Variants in FNDC3B observed in about 807,000 individuals in gnomAD.
FNDC3B encodes fibronectin type III domain-containing protein 3B.
A neutral mutation model predicts 151.5 loss-of-function variants in FNDC3B; 12 were observed. The observed-to-expected ratio is 0.08, with a 90% CI of 0.05 to 0.13. The LOEUF (loss-of-function observed/expected upper bound fraction) is 0.13. Among genes scored for constraint, FNDC3B ranks in the 10% least tolerant of loss-of-function variants. The pLI, the probability that FNDC3B is intolerant of heterozygous loss-of-function variation, is 1.00. For missense variants in FNDC3B, 1,214 were observed against 1,505.3 expected (o/e 0.81, Z 3.20); for synonymous variants, 528 against 549.0 (o/e 0.96, Z 0.54).
At chr3:172,393,345 C>T (rs999770841) in intron 25 of FNDC3B, among the ~76,000 whole-genome samples, 2 of 152,234 alleles carry the variant, frequency 1.3e-5, no homozygotes, top group Admixed American at 6.5e-5. Flanking sequence ...GTTATATATG[C>T]ACCCAACATT....
At chr3:172,280,882 G>A (rs1338095872) in intron 6 of FNDC3B, among the ~76,000 whole-genome samples, 1 of 151,568 alleles carries the variant, frequency 6.6e-6, no homozygotes, top group Non-Finnish European at 1.5e-5. Flanking sequence ...ATGTGTGTGG[G>A]TTTTTTCTTT....
intron 25 of FNDC3B, among the ~76,000 whole-genome samples, chr3:172,386,777 C>T (rs1735735616): frequency 6.7e-6 from 1 of 149,872 alleles, no homozygotes; most frequent in African/African-American, 2.5e-5. Context: ...AAAAAAAAAC[C>T]TCTGAAGTGT....
At chr3:172,091,595 G>A (rs909286222) in intron 1 of FNDC3B, among the ~76,000 whole-genome samples, 7 of 152,144 alleles carry the variant, frequency 4.6e-5, no homozygotes, top group African/African-American at 1.7e-4. Flanking sequence ...ATGCATGCAT[G>A]TTTGTGTATA....
chr3:172,041,745 G>A (rs1576810150), intron 1 of FNDC3B, among the ~76,000 whole-genome samples: 1 of 152,174 alleles, frequency 6.6e-6, no homozygotes, highest in Admixed American at 6.5e-5. Context: ...ACGCCCCACA[G>A]TGGATAGCAG....
At chr3:172,206,166 C>A (rs971576187) in intron 3 of FNDC3B, among the ~76,000 whole-genome samples, 2 of 152,044 alleles carry the variant, frequency 1.3e-5, no homozygotes, top group African/African-American at 4.8e-5. Context: ...TTGAAATTGG[C>A]CAGTTTCAGA....
intron 6 of FNDC3B, among the ~76,000 whole-genome samples, chr3:172,277,245 C>A (rs770286742): frequency 1.3e-5 from 2 of 152,106 alleles, no homozygotes; most frequent in Admixed American, 6.6e-5. Context: ...AGGTGTTTTG[C>A]TATAATTATA....
At chr3:172,063,188 A>G (rs553374422) in intron 1 of FNDC3B, among the ~76,000 whole-genome samples, 1 of 152,260 alleles carries the variant, frequency 6.6e-6, no homozygotes, top group East Asian at 1.9e-4. Context: ...GTTCCCTAAA[A>G]TAAGATAGCA....
intron 1 of FNDC3B, among the ~76,000 whole-genome samples, chr3:172,047,716 G>A (rs1219158155): frequency 3.9e-5 from 6 of 152,110 alleles, no homozygotes; most frequent in Non-Finnish European, 1.5e-5. Flanking sequence ...TTATTTGCTT[G>A]CAAAATACAT....
At chr3:172,376,099 T>G (rs947388958) in intron 23 of FNDC3B, among the ~76,000 whole-genome samples, 14 of 152,354 alleles carry the variant, frequency 9.2e-5, no homozygotes, top group African/African-American at 3.4e-4. Context: ...CCACTATGTT[T>G]TTCATAAATT....
chr3:172,296,990 G>T (rs1010897489), intron 8 of FNDC3B, among the ~76,000 whole-genome samples: 1 of 152,108 alleles, frequency 6.6e-6, no homozygotes, highest in African/African-American at 2.4e-5. Context: ...GGAGCTAGAG[G>T]CTCACGTGCC....
At chr3:172,382,103 C>T (rs1735474177) in intron 25 of FNDC3B, among the ~76,000 whole-genome samples, 1 of 152,190 alleles carries the variant, frequency 6.6e-6, no homozygotes, top group South Asian at 2.1e-4. Context: ...TAAAAGTGTT[C>T]CTATTTCCCC....
In FNDC3B at chr3:172,259,975, C is replaced by T. The variant is rs985834667; in HGVS notation, c.790+8434C>T. On this transcript the variant is annotated intron_variant, in intron 6 of 25. Transcript: ENST00000415807. ...AGTTTTCTTTTGAAATGAATGTTCACCAGAAGTTTGAGGTCAGAATTTTGA... is the reference window on the plus strand; with the variant it reads ...AGTTTTCTTTTGAAATGAATGTTCATCAGAAGTTTGAGGTCAGAATTTTGA... Among the ~76,000 whole-genome samples the T allele has an allele frequency of 3.3e-5, 5 of 152,256 alleles. No homozygotes were observed. The East Asian group carries it at 9.6e-4, about 29-fold the overall frequency.
chr3:172,214,852 T>G (rs1237315229), intron 3 of FNDC3B, among the ~76,000 whole-genome samples: 3 of 152,258 alleles, frequency 2.0e-5, no homozygotes, highest in Non-Finnish European at 4.4e-5. Flanking sequence ...CAGGCACTCT[T>G]GCAGGGGCAA....
Position 172,150,576 on chromosome 3 carries a change from T to A in FNDC3B, c.187+17030T>A, listed in dbSNP as rs370054353. Among the ~76,000 whole-genome samples, 5 of 152,224 alleles carry A rather than the reference T, an allele frequency of 3.3e-5. No individual in the cohort carries two copies. In the South Asian group the frequency reaches 8.3e-4, roughly 25 times the overall value. Reference sequence around the variant, plus strand: ...GATTATTTGGTGTCATTTTGTCAAATCTATGCCATTGGTTTTTAAATGCAT... The same window carrying A: ...GATTATTTGGTGTCATTTTGTCAAAACTATGCCATTGGTTTTTAAATGCAT... On this transcript the variant is annotated intron_variant, in intron 3 of 25. Transcript: ENST00000415807.
At chr3:172,057,399 A>G (rs1560386282) in intron 1 of FNDC3B, among the ~76,000 whole-genome samples, 1 of 152,216 alleles carries the variant, frequency 6.6e-6, no homozygotes, top group East Asian at 1.9e-4. Context: ...GTTTGGATGC[A>G]CTTTTCTTTG....
At chr3:172,230,783 C>A (rs374445933) in intron 4 of FNDC3B, among the ~76,000 whole-genome samples, 196 of 152,232 alleles carry the variant, frequency 1.3e-3, no homozygotes, top group African/African-American at 4.1e-3. Flanking sequence ...CCTTAATGTG[C>A]TAGGATTTCT....
intron 6 of FNDC3B, 75 bp from the exon 7 acceptor site, chr3:172,285,851 C>T: frequency 9.5e-7 from 1 of 1,054,682 alleles, no homozygotes; most frequent in Admixed American, 1.8e-5. Flanking sequence ...AGTTAAAAGG[C>T]CTTGGGGAAG....
intron 1 of FNDC3B, among the ~76,000 whole-genome samples, chr3:172,091,077 A>G (rs1718803030): frequency 6.6e-6 from 1 of 152,206 alleles, no homozygotes; most frequent in Admixed American, 6.5e-5. Flanking sequence ...CATCCCAGTA[A>G]TTTCTTCATT....
intron 1 of FNDC3B, among the ~76,000 whole-genome samples, chr3:172,057,484 C>A (rs1308279336): frequency 6.6e-6 from 1 of 152,114 alleles, no homozygotes; most frequent in Non-Finnish European, 1.5e-5. Flanking sequence ...CTAAACCTCA[C>A]CAACTTCTTG....
Sources: allele counts gnomAD v4.1 joint callset (sites outside exome capture counted in the v4.1 genomes callset), GRCh38; gene constraint gnomAD v4.1.1; transcripts MANE v1.5; gene names NCBI Gene and HGNC (gene_info 2026-07-23, HGNC 2026-07-21).